FGF12: variants seen among roughly 807,000 people sequenced by gnomAD.
FGF12 encodes fibroblast growth factor 12B.
Under a neutral mutation model 23.6 loss-of-function variants are expected in FGF12, and 14 were observed. That is an observed-to-expected ratio of 0.59 (90% confidence interval 0.39 to 0.93). The LOEUF is 0.93. FGF12 is among the 40% of genes least tolerant of loss of function. The pLI is 0.00. For missense variants in FGF12, 175 were observed against 217.8 expected, an observed-to-expected ratio of 0.80 and a Z score of 1.24; for synonymous variants, 62 against 77.3, an observed-to-expected ratio of 0.80 and a Z score of 1.04.
intron 3 of FGF12, among the ~76,000 whole-genome samples, chr3:192,357,666 T>A (rs572609100): frequency 6.6e-6 from 1 of 152,170 alleles, no homozygotes; most frequent in Non-Finnish European, 1.5e-5. Context: ...GCTTACTATG[T>A]ATTACAGACC....
chr3:192,181,625 A>AT (rs1716180705), intron 4 of FGF12, among the ~76,000 whole-genome samples: 2 of 144,722 alleles, frequency 1.4e-5, no homozygotes, highest in African/African-American at 5.3e-5. Context: ...AAGAGAAGTA[A>AT]TTTGTTTTTT....
intron 2 of FGF12, among the ~76,000 whole-genome samples, chr3:192,694,622 G>T (rs560797387): frequency 6.6e-6 from 1 of 151,648 alleles, no homozygotes; most frequent in South Asian, 2.1e-4. Context: ...TAGAGATGGG[G>T]TATATACGTA....
intron 4 of FGF12, among the ~76,000 whole-genome samples, chr3:192,332,799 A>C (rs986695309): frequency 6.6e-6 from 1 of 152,102 alleles, no homozygotes; most frequent in Non-Finnish European, 1.5e-5. Flanking sequence ...TGCAGTTATG[A>C]CCCTTATTGG....
At chr3:192,506,187 TC>T (rs1724288242) in intron 2 of FGF12, among the ~76,000 whole-genome samples, 2 of 152,310 alleles carry the variant, frequency 1.3e-5, no homozygotes, top group South Asian at 4.2e-4. Flanking sequence ...CAATCTCTTG[TC>T]CAATCAAAGC....
intron 2 of FGF12, among the ~76,000 whole-genome samples, chr3:192,469,160 C>T (rs1464641445): frequency 1.3e-5 from 2 of 152,142 alleles, no homozygotes; most frequent in Non-Finnish European, 2.9e-5. Context: ...CTGACATTTT[C>T]CCTTCCCCAG....
In FGF12 at chr3:192,320,243, C is replaced by CA. The variant is rs1208504820; in HGVS notation, c.228+15117dup. ...TTTCAAGACAAAAACCATAAAGAGA[C>CA]AAAAAAATCATATAATGATAAAGGA... On this transcript the variant is annotated intron_variant, in intron 4 of 5. Transcript: ENST00000445105. Among the ~76,000 whole-genome samples the CA allele has an allele frequency of 5.9e-5, 9 of 151,874 alleles. No individual in the cohort carries two copies. The South Asian group carries it at 1.5e-3, about 25-fold the overall frequency.
At chr3:192,338,181 G>A (rs543715575) in intron 3 of FGF12, among the ~76,000 whole-genome samples, 88 of 151,964 alleles carry the variant, frequency 5.8e-4, no homozygotes, top group Non-Finnish European at 1.1e-3. Flanking sequence ...CAGCTGGAGT[G>A]CAAGCAATTC....
At chr3:192,664,520 G>A (rs1716783517) in intron 2 of FGF12, among the ~76,000 whole-genome samples, 2 of 151,122 alleles carry the variant, frequency 1.3e-5, no homozygotes, top group South Asian at 2.1e-4. Flanking sequence ...AGGCCAAGGA[G>A]GGTGGATCAC....
chr3:192,169,255 C>A (rs534288438), intron 5 of FGF12, among the ~76,000 whole-genome samples: 8 of 152,058 alleles, frequency 5.3e-5, no homozygotes, highest in African/African-American at 1.9e-4. Context: ...GAAGGAGAAT[C>A]GCTGGAACCC....
chr3:192,406,575 G>T (rs1483493145), intron 2 of FGF12, among the ~76,000 whole-genome samples: 1 of 152,098 alleles, frequency 6.6e-6, no homozygotes. Context: ...TTTATAAAAT[G>T]AACATGCTAT....
At chr3:192,705,341 G>A (rs144904142) in intron 2 of FGF12, among the ~76,000 whole-genome samples, 50 of 152,208 alleles carry the variant, frequency 3.3e-4, no homozygotes, top group Non-Finnish European at 6.6e-4. Context: ...TAATATCTTC[G>A]TGTCTCAGGA....
At chr3:192,617,772 G>A (rs1714817731) in intron 2 of FGF12, among the ~76,000 whole-genome samples, 1 of 152,036 alleles carries the variant, frequency 6.6e-6, no homozygotes, top group African/African-American at 2.4e-5. Context: ...TTATTGAGAT[G>A]AGAAGAAATT....
At chr3:192,290,806 C>T (rs974059056) in intron 4 of FGF12, among the ~76,000 whole-genome samples, 4 of 152,104 alleles carry the variant, frequency 2.6e-5, no homozygotes, top group African/African-American at 9.7e-5. Flanking sequence ...CCAATAGTTA[C>T]ATGCAGGTTG....
chr3:192,501,631 T>G (rs1724136019), intron 2 of FGF12, among the ~76,000 whole-genome samples: 1 of 152,156 alleles, frequency 6.6e-6, no homozygotes. Flanking sequence ...TCAACTAGAA[T>G]AGGAACTGAG....
chr3:192,223,088 T>C (rs552865820), intron 4 of FGF12, among the ~76,000 whole-genome samples: 63 of 152,230 alleles, frequency 4.1e-4, no homozygotes, highest in African/African-American at 1.4e-3. Flanking sequence ...TAAAATCACA[T>C]GAAAGGGATC....
At chr3:192,415,031 G>A (rs1721303635) in intron 2 of FGF12, among the ~76,000 whole-genome samples, 1 of 152,058 alleles carries the variant, frequency 6.6e-6, no homozygotes, top group African/African-American at 2.4e-5. Context: ...AGCTCAATAA[G>A]AAAATCAAAG....
intron 2 of FGF12, among the ~76,000 whole-genome samples, chr3:192,663,862 T>G (rs1210626489): frequency 2.0e-5 from 3 of 152,176 alleles, no homozygotes; most frequent in East Asian, 1.9e-4. Flanking sequence ...ACAATAATGG[T>G]GACAACATCC....
chr3:192,264,239 A>C (rs1712936727), intron 4 of FGF12, among the ~76,000 whole-genome samples: 1 of 152,114 alleles, frequency 6.6e-6, no homozygotes, highest in Non-Finnish European at 1.5e-5. Context: ...AGCACACGAT[A>C]ACTAAATTGA....
At chr3:192,312,453 G>A (rs1252685635) in intron 4 of FGF12, among the ~76,000 whole-genome samples, 1 of 147,982 alleles carries the variant, frequency 6.8e-6, no homozygotes. Context: ...AAGGTCTTCA[G>A]ACAATGGCAA....
Sources: allele counts gnomAD v4.1 joint callset (sites outside exome capture counted in the v4.1 genomes callset), GRCh38; gene constraint gnomAD v4.1.1; transcripts MANE v1.5; gene names NCBI Gene and HGNC (gene_info 2026-07-23, HGNC 2026-07-21).